The following MFSD11 variants were observed in gnomAD, a reference collection of about 807,000 sequenced individuals.
The protein encoded by MFSD11 is major facilitator superfamily domain containing 11, also known as UNC93-like protein MFSD11.
Under a neutral mutation model 53.5 loss-of-function variants are expected in MFSD11, and 36 were observed. That is an observed-to-expected ratio of 0.67 (90% CI 0.52 to 0.89). MFSD11 has a LOEUF of 0.89. Ranked by LOEUF, MFSD11 falls within the 40% of genes least tolerant of loss-of-function variation. The probability of loss-of-function intolerance (pLI) is 0.00; values close to 1 mark genes in which losing one functional copy is unlikely to be tolerated. For synonymous variants in MFSD11, 186 were observed against 184.9 expected, an observed-to-expected ratio of 1.01 and a Z score of -0.05; for missense variants, 530 against 543.9, an observed-to-expected ratio of 0.97 and a Z score of 0.25.
At chr17:76,771,207 C>T (rs1003107066) in intron 10 of MFSD11, among the ~76,000 whole-genome samples, 3 of 152,246 alleles carry the variant, frequency 2.0e-5, no homozygotes, top group African/African-American at 7.2e-5. Flanking sequence ...CCCTCTCTCC[C>T]CAAGGGTTGC....
downstream of MFSD11, among the ~76,000 whole-genome samples, chr17:76,783,161 A>AAC (rs2082212968): frequency 6.6e-6 from 1 of 151,946 alleles, no homozygotes; most frequent in Admixed American, 6.6e-5. Context: ...CCAAAAAAAA[A>AAC]AAAAAAGAAA....
intron 8 of MFSD11, among the ~76,000 whole-genome samples, chr17:76,765,518 A>G (rs898202972): frequency 2.2e-5 from 3 of 133,848 alleles, no homozygotes; most frequent in African/African-American, 5.9e-5. Flanking sequence ...GGCGGAGTAC[A>G]GTGGCTTGAT....
intron 8 of MFSD11, among the ~76,000 whole-genome samples, chr17:76,757,700 G>A (rs958248059): frequency 2.6e-5 from 4 of 152,164 alleles, no homozygotes; most frequent in African/African-American, 9.7e-5. Flanking sequence ...TAGGATGAAT[G>A]TCTGAAAACA....
At chr17:76,786,009 A>G (rs2082269257), downstream of MFSD11, among the ~76,000 whole-genome samples, 1 of 138,246 alleles carries the variant, frequency 7.2e-6, no homozygotes, top group Non-Finnish European at 1.5e-5. Context: ...AGGAAGGCAG[A>G]GGTTGCAGTG....
chr17:76,779,899 A>T (rs2082115647), downstream of MFSD11, among the ~76,000 whole-genome samples: 1 of 152,222 alleles, frequency 6.6e-6, no homozygotes, highest in Admixed American at 6.5e-5. Context: ...GATGCAATGC[A>T]GAAACCCCCA....
In MFSD11 at chr17:76,744,356, G is replaced by T. The variant is rs1233445990; in HGVS notation, c.531G>T (p.Thr177=). Residue 177 remains threonine, a synonymous_variant, in exon 7 of 13, where the codon ACG becomes ACT. Transcript: ENST00000685175. ...SDRRTVFIAL[T]VISLVGTVLF... Reference sequence around the variant, plus strand: ...GAAGAACAGTGTTTATTGCCCTAACGGTGATTAGCCTTGTGGGGACAGTTC... The same window carrying T: ...GAAGAACAGTGTTTATTGCCCTAACTGTGATTAGCCTTGTGGGGACAGTTC... 1 of 1,613,848 alleles carries T rather than the reference G, an allele frequency of 6.2e-7. No homozygotes were observed. Among genetic ancestry groups the T allele is most frequent in the African/African-American group, 1.3e-5 (1 of 74,910 alleles).
the MFSD11 span, among the ~76,000 whole-genome samples, chr17:76,788,063 G>C: frequency 1.3e-5 from 2 of 148,770 alleles, no homozygotes; most frequent in Non-Finnish European, 3.0e-5. Flanking sequence ...CACCCTGGGT[G>C]GAGTGAAGTG....
chr17:76,778,156 C>T (rs373680836), intron 12 of MFSD11, 32 bp from the exon 13 acceptor site: 308 of 1,612,496 alleles, frequency 1.9e-4, no homozygotes, highest in Non-Finnish European at 2.5e-4. Context: ...GCCCCCGGTG[C>T]GCCCGTTGTG....
chr17:76,741,100 C>A, intron 3 of MFSD11, 36 bp downstream of exon 3: 1 of 1,202,602 alleles, frequency 8.3e-7, no homozygotes, highest in Non-Finnish European at 1.2e-6. Context: ...TTAATCAGAA[C>A]ACTTGTCAGG....
chr17:76,744,717 C>T (rs2078393898), intron 7 of MFSD11, among the ~76,000 whole-genome samples: 1 of 152,190 alleles, frequency 6.6e-6, no homozygotes, highest in Non-Finnish European at 1.5e-5. Flanking sequence ...ATGTGTGTGA[C>T]CCTGGACAGT....
At chr17:76,790,210 G>A in the MFSD11 span, among the ~76,000 whole-genome samples, 5 of 144,196 alleles carry the variant, frequency 3.5e-5, no homozygotes, top group African/African-American at 7.7e-5. Flanking sequence ...GCCTCTTGAC[G>A]CATGAGCCAC....
intron 8 of MFSD11, among the ~76,000 whole-genome samples, chr17:76,765,916 T>G (rs754274678): frequency 2.6e-5 from 4 of 151,624 alleles, no homozygotes; most frequent in African/African-American, 4.8e-5. Context: ...TTATTAATGT[T>G]CCCCACCAGA....
intron 8 of MFSD11, among the ~76,000 whole-genome samples, chr17:76,754,563 A>G (rs1412358733): frequency 6.6e-6 from 1 of 151,720 alleles, no homozygotes; most frequent in East Asian, 1.9e-4. Context: ...ATGCACCTGT[A>G]GTCCCAGCTA....
Position 76,738,428 on chromosome 17 carries a change from C to G in MFSD11, c.76C>G (p.Gln26Glu). 1 of 1,613,756 alleles carries G rather than the reference C, an allele frequency of 6.2e-7. No homozygotes were observed. The highest frequency in any genetic ancestry group is 1.1e-5 in the South Asian group (1 of 91,072). ...CTTTATGTTTATGTTCACTGCCTTT[C>G]AAACTTGTGGAAATGTGGCGGTGAG... Reference protein sequence around the residue: ...VAFMFMFTAFQTCGNVAQTVI... With the variant: ...VAFMFMFTAFETCGNVAQTVI... Residue 26 changes from glutamine (Q) to glutamate (E), a missense_variant, in exon 1 of 13, where the codon CAA (glutamine) becomes GAA (glutamate). Physicochemically the swap from Gln to Glu is conservative, Grantham distance 29. Coordinates refer to ENST00000685175, the MANE Select transcript of MFSD11 (RefSeq NM_001242532.5).
the MFSD11 span, among the ~76,000 whole-genome samples, chr17:76,787,056 T>C: frequency 6.6e-6 from 1 of 151,926 alleles, no homozygotes; most frequent in East Asian, 1.9e-4. Flanking sequence ...TCAAGGGTTC[T>C]CATGTCTCTC....
downstream of MFSD11, among the ~76,000 whole-genome samples, chr17:76,781,857 T>A (rs2082170815): frequency 6.6e-6 from 1 of 152,188 alleles, no homozygotes; most frequent in Non-Finnish European, 1.5e-5. Flanking sequence ...GGTCTTGCTT[T>A]GTTGCCCAGG....
At position 76,741,961 on chromosome 17, in the gene MFSD11, T is replaced by G. The variant is rs749354555; in HGVS notation, c.261-8T>G. ...TTGACTGTAATACCTTGACCTGTTA[T>G]ATTTTAGCATGTACATTGCCGTTTT... On this transcript the variant is annotated splice_polypyrimidine_tract_variant and splice_region_variant and intron_variant, in intron 3 of 12. Coordinates refer to ENST00000685175, the MANE Select transcript of MFSD11 (RefSeq NM_001242532.5). 1.2e-6 allele frequency: 2 copies of G among 1,614,178 alleles called. No individual in the cohort carries two copies. Among genetic ancestry groups the G allele is most frequent in the Non-Finnish European group, 1.7e-6 (2 of 1,180,010 alleles).
chr17:76,752,850 C>G (rs554193613), intron 7 of MFSD11: 1 of 152,116 alleles, frequency 6.6e-6, no homozygotes, highest in Non-Finnish European at 1.5e-5. Flanking sequence ...ATAACCTTCC[C>G]TTTTAAAACC....
intron 5 of MFSD11, 22 bp from the exon 6 acceptor site, chr17:76,743,376 A>G (rs769489189): frequency 1.3e-6 from 2 of 1,501,232 alleles, no homozygotes; most frequent in East Asian, 2.3e-5. Context: ...CCAACATCCT[A>G]TCCTCCCTTT....
Sources: allele counts gnomAD v4.1 joint callset (sites outside exome capture counted in the v4.1 genomes callset), GRCh38; gene constraint gnomAD v4.1.1; transcripts MANE v1.5; gene names NCBI Gene and HGNC (gene_info 2026-07-23, HGNC 2026-07-21).